ZNF727: variants seen among roughly 807,000 people sequenced by gnomAD.
ZNF727 encodes putative zinc finger protein 727.
Under a neutral mutation model 11.5 loss-of-function variants are expected in ZNF727, and 11 were observed. The observed-to-expected ratio is 0.95, with a 90% CI of 0.60 to 1.58. ZNF727 has a LOEUF of 1.58. Among genes scored for constraint, ZNF727 ranks in the 40% most tolerant of loss-of-function variants. The pLI is 0.00. For missense variants in ZNF727, 533 were observed against 581.7 expected (o/e 0.92, Z 0.86); for synonymous variants, 171 against 196.1 (o/e 0.87, Z 1.07).
intron 3 of ZNF727, 98 bp from the exon 4 acceptor site, chr7:64,077,178 T>C: frequency 8.3e-7 from 1 of 1,201,028 alleles, no homozygotes; most frequent in African/African-American, 1.5e-5. Context: ...TTTTATTATG[T>C]CACCTTGTTA....
rs1785769052 is a variant in ZNF727, at chr7:64,080,497, A to C, written c.*1948A>C. Among the ~76,000 whole-genome samples, 1 of 151,972 alleles carries C rather than the reference A, an allele frequency of 6.6e-6. No individual in the cohort carries two copies. The highest frequency in any genetic ancestry group is 2.4e-5 in the African/African-American group (1 of 41,358). On this transcript the variant is annotated 3_prime_UTR_variant, in exon 4 of 4. Transcript: ENST00000456806. The stretch of plus-strand genomic sequence containing the variant: ...TTGTATTGTGTTTTTCAGTTCTATC[A>C]TGTTGGCCATATTTTTCTCTAGACT...
chr7:64,056,940 A>C (rs1329095204), intron 1 of ZNF727, among the ~76,000 whole-genome samples: 2 of 152,254 alleles, frequency 1.3e-5, no homozygotes, highest in East Asian at 3.9e-4. Context: ...TTGTATAAAG[A>C]CATCTGCCTT....
At chr7:64,048,842 C>T (rs1390315535) in intron 1 of ZNF727, among the ~76,000 whole-genome samples, 1 of 152,116 alleles carries the variant, frequency 6.6e-6, no homozygotes, top group Non-Finnish European at 1.5e-5. Context: ...TGAAGGTGTT[C>T]TTTGAAAGCC....
In ZNF727 at chr7:64,060,412, C is replaced by A. The variant is rs545811540; in HGVS notation, c.4-8479C>A. ...GAGGCTTTTCTCTCTTTGGCTTGCC[C>A]CAAAATCTGCAGGCAGAATATTTCT... On this transcript the variant is annotated intron_variant, in intron 1 of 3. Coordinates refer to ENST00000456806, the MANE Select transcript of ZNF727 (RefSeq NM_001159522.3). 1.1e-4 allele frequency among the ~76,000 whole-genome samples: 17 copies of A among 152,270 alleles called. 2 individuals are homozygous for A. The South Asian group carries it at 3.5e-3, about 32-fold the overall frequency.
chr7:64,080,145 C>T lies in ZNF727; in HGVS notation c.*1596C>T, dbSNP rs1222939733. Among the ~76,000 whole-genome samples the T allele has an allele frequency of 6.6e-6, 1 of 151,972 alleles. No individual in the cohort carries two copies. The highest frequency in any genetic ancestry group is 1.5e-5 in the Non-Finnish European group (1 of 68,022). On this transcript the variant is annotated 3_prime_UTR_variant, in exon 4 of 4. Coordinates refer to ENST00000456806, the MANE Select transcript of ZNF727 (RefSeq NM_001159522.3). ...GATTATGTATCTTGGGGATGACCTT[C>T]TCGTGGGGTATATTATTGGGGTTCT... is the stretch of plus-strand genomic sequence containing the variant.
chr7:64,053,099 G>A (rs1301861673), intron 1 of ZNF727, among the ~76,000 whole-genome samples: 1 of 152,130 alleles, frequency 6.6e-6, no homozygotes, highest in African/African-American at 2.4e-5. Context: ...CTGTTGAGAA[G>A]GCATGATTGA....
chr7:64,073,723 A>G (rs549936064), intron 3 of ZNF727, among the ~76,000 whole-genome samples: 2 of 152,264 alleles, frequency 1.3e-5, no homozygotes, highest in South Asian at 2.1e-4. Flanking sequence ...TGCTTCACAA[A>G]CATGTTCTCA....
intron 1 of ZNF727, among the ~76,000 whole-genome samples, chr7:64,062,865 T>C (rs941999849): frequency 6.6e-6 from 1 of 150,908 alleles, no homozygotes; most frequent in African/African-American, 2.4e-5. Flanking sequence ...CACTAATTCT[T>C]TCTTCTGCTT....
At chr7:64,047,234 C>T (rs1340219010) in intron 1 of ZNF727, among the ~76,000 whole-genome samples, 1 of 152,170 alleles carries the variant, frequency 6.6e-6, no homozygotes, top group Non-Finnish European at 1.5e-5. Context: ...AATTTCTTTC[C>T]CACATTCCCC....
intron 1 of ZNF727, among the ~76,000 whole-genome samples, chr7:64,049,549 T>G (rs10276244): frequency 0.02 from 3,047 of 152,078 alleles, 115 homozygotes; most frequent in African/African-American, 0.069. Context: ...AGTGAAAGCC[T>G]GAGAAGTAAG....
chr7:64,069,489 A>G (rs1391321055), intron 2 of ZNF727, 25 bp from the exon 3 acceptor site: 13 of 1,506,456 alleles, frequency 8.6e-6, no homozygotes, highest in Non-Finnish European at 1.1e-5. Flanking sequence ...AGCAAGAGTC[A>G]TGTTATTTTT....
chr7:64,061,089 A>T (rs1254148457), intron 1 of ZNF727, among the ~76,000 whole-genome samples: 1 of 152,158 alleles, frequency 6.6e-6, no homozygotes, highest in Non-Finnish European at 1.5e-5. Flanking sequence ...TTGTGACCTA[A>T]CATATGGTCT....
At chr7:64,057,473 G>A (rs1431172799) in intron 1 of ZNF727, among the ~76,000 whole-genome samples, 1 of 152,094 alleles carries the variant, frequency 6.6e-6, no homozygotes, top group African/African-American at 2.4e-5. Context: ...ACCAAACACT[G>A]CATGCTCTCA....
chr7:64,077,779 A>T lies in ZNF727; in HGVS notation c.730A>T (p.Thr244Ser), dbSNP rs1431957550. 2 of 1,574,722 alleles carry T rather than the reference A, an allele frequency of 1.3e-6. No individual in the cohort carries two copies. Among genetic ancestry groups the T allele is most frequent in the Admixed American group, 3.7e-5 (2 of 53,538 alleles). Residue 244 changes from threonine to serine, a missense_variant, in exon 4 of 4, where the codon ACT becomes TCT. Coordinates refer to ENST00000456806, the MANE Select transcript of ZNF727 (RefSeq NM_001159522.3). Reference sequence around the variant, plus strand: ...AACATTTACCTGTTCCTCAGCCCTTACTAAACACAAGAGAAATCATACTGG... The same window carrying T: ...AACATTTACCTGTTCCTCAGCCCTTTCTAAACACAAGAGAAATCATACTGG... ...GKTFTCSSAL[T>S]KHKRNHTGDR... is the part of the protein sequence containing the mutation.
Position 64,068,938 on chromosome 7 carries a change from G to C in ZNF727, c.51G>C (p.Glu17Asp), listed in dbSNP as rs1025219863. The change falls in exon 2 of 4, where the codon GAG (glutamate) becomes GAC (aspartate). Residue 17 changes from glutamate (E) to aspartate (D), a missense_variant. Glu to Asp is a conservative substitution (Grantham distance 45). This residue lies in a region of ZNF727 where 463 missense variants were observed against 494.5 expected (regional missense o/e 0.94). Transcript: ENST00000456806. ...TGGCTGTAGAATTCTCCCCAGAAGA[G>C]TGGGAATGCCTGGACTCTGCTCAGC... ...RDVAVEFSPE[E>D]WECLDSAQQR... 7.5e-6 allele frequency: 12 copies of C among 1,605,978 alleles called. No homozygotes were observed. Among genetic ancestry groups the C allele is most frequent in the Non-Finnish European group, 7.7e-6 (9 of 1,175,782 alleles).
intron 1 of ZNF727, among the ~76,000 whole-genome samples, chr7:64,067,124 G>A (rs1789881411): frequency 8.6e-6 from 1 of 115,746 alleles, no homozygotes; most frequent in Admixed American, 9.4e-5. Context: ...AGACATTTAT[G>A]CAGCCAACAA....
At chr7:64,056,966 C>T (rs1398692304) in intron 1 of ZNF727, among the ~76,000 whole-genome samples, 1 of 151,942 alleles carries the variant, frequency 6.6e-6, no homozygotes, top group East Asian at 1.9e-4. Flanking sequence ...AAATTCTAAC[C>T]AATTATAGCT....
chr7:64,057,040 T>G (rs1789696340), intron 1 of ZNF727, among the ~76,000 whole-genome samples: 1 of 152,050 alleles, frequency 6.6e-6, no homozygotes, highest in South Asian at 2.1e-4. Flanking sequence ...CTCCTATATC[T>G]TTACCATATT....
rs1358223680 is a variant in ZNF727 at position 64,085,026 on chromosome 7, TTTTG to T, written c.*6487_*6490del. On this transcript the variant is annotated 3_prime_UTR_variant, in exon 4 of 4. Coordinates refer to ENST00000456806, the MANE Select transcript of ZNF727 (RefSeq NM_001159522.3). ...TAGAATCATCTTTTGCAAATTCTTT[TTTTG>T]TTTGTTTGTCTGTTTTCTTGTTGTT... Among the ~76,000 whole-genome samples, 10 of 151,896 alleles carry T rather than the reference TTTTG, an allele frequency of 6.6e-5. No homozygotes were observed. The highest frequency in any genetic ancestry group is 5.8e-4 in the East Asian group (3 of 5,178).
Sources: gnomAD v4.1 joint callset for allele counts (sites outside exome capture counted in the v4.1 genomes callset) on GRCh38, gnomAD v4.1.1 for gene constraint, gnomAD v4.1.1 regional missense constraint, MANE v1.5 for transcripts, NCBI Gene and HGNC (gene_info 2026-07-23, HGNC 2026-07-21) for gene names.